Variants in HAT1 observed in about 807,000 individuals in gnomAD.
HAT1 encodes the protein histone acetyltransferase 1.
A neutral mutation model predicts 56.6 loss-of-function variants in HAT1; 20 were observed. The observed-to-expected ratio is 0.35, with a 90% CI of 0.25 to 0.51. The LOEUF is 0.51. Among genes scored for constraint, HAT1 ranks in the 20% least tolerant of loss-of-function variants. The pLI, the probability that HAT1 is intolerant of heterozygous loss-of-function variation, is 0.95. For synonymous variants in HAT1, 146 were observed against 165.5 expected, an observed-to-expected ratio of 0.88 and a Z score of 0.91; for missense variants, 408 against 504.3, an observed-to-expected ratio of 0.81 and a Z score of 1.83.
At chr2:171,941,851 T>C (rs1164657697) in intron 2 of HAT1, among the ~76,000 whole-genome samples, 2 of 152,210 alleles carry the variant, frequency 1.3e-5, no homozygotes, top group Non-Finnish European at 2.9e-5. Flanking sequence ...TGCCATTTAG[T>C]ATTCCAGGCC....
At chr2:171,952,838 A>T (rs777779933) in intron 3 of HAT1, 43 bp from the exon 4 acceptor site, 1 of 1,457,592 alleles carries the variant, frequency 6.9e-7, no homozygotes, top group Non-Finnish European at 9.4e-7. Flanking sequence ...CTTTTTAATG[A>T]CTGCAAAAAT....
chr2:171,924,248 C>T (rs1387400595), intron 1 of HAT1: 2 of 150,784 alleles, frequency 1.3e-5, no homozygotes, highest in African/African-American at 4.9e-5. Flanking sequence ...CGCTCTGTCA[C>T]CAGGCTGGAG....
At chr2:171,966,382 C>T in intron 6 of HAT1, 27 bp from the exon 7 acceptor site, 1 of 1,174,642 alleles carries the variant, frequency 8.5e-7, no homozygotes, top group South Asian at 1.2e-5. Context: ...TGTAATTGAC[C>T]TGCTTGGCTT....
At chr2:171,940,220 T>G (rs1558966154) in intron 2 of HAT1, among the ~76,000 whole-genome samples, 1 of 152,228 alleles carries the variant, frequency 6.6e-6, no homozygotes, top group Non-Finnish European at 1.5e-5. Context: ...AGTGTGGTAT[T>G]GGTTGGCAAG....
intron 8 of HAT1, among the ~76,000 whole-genome samples, chr2:171,971,252 C>T (rs1287482078): frequency 6.6e-6 from 1 of 152,208 alleles, no homozygotes; most frequent in Admixed American, 6.5e-5. Context: ...AAGCGTTTGT[C>T]TCTAGTAGAG....
rs1292212569 is a variant in HAT1 at position 171,946,748 on chromosome 2, C to T, written c.153C>T (p.Phe51=). The T allele has an allele frequency of 6.3e-7, 1 of 1,583,990 alleles. No homozygotes were observed. The highest frequency in any genetic ancestry group is 8.6e-7 in the Non-Finnish European group (1 of 1,158,036). ...ATCTTGAAAATGACATTAGAACTTT[C>T]TTTCCTGAGTATACCCATCAACTCT... The part of the protein sequence containing the change: ...PEDLENDIRT[F]FPEYTHQLFG... Residue 51 remains phenylalanine, a synonymous_variant, in exon 3 of 11, where the codon TTC becomes TTT. Coordinates refer to ENST00000264108, the MANE Select transcript of HAT1 (RefSeq NM_003642.4).
At chr2:171,965,093 T>G in intron 4 of HAT1, 1 of 423,796 alleles carries the variant, frequency 2.4e-6, no homozygotes, top group South Asian at 3.7e-5. Flanking sequence ...ATTGCCCTTA[T>G]TATTGTACTT....
chr2:171,966,366 C>A, intron 6 of HAT1, 43 bp from the exon 7 acceptor site: 1 of 962,676 alleles, frequency 1.0e-6, no homozygotes, highest in Non-Finnish European at 1.7e-6. Flanking sequence ...TGCATGGGAG[C>A]GCGACTGTAA....
intron 3 of HAT1, among the ~76,000 whole-genome samples, chr2:171,951,343 G>A (rs1687301957): frequency 6.6e-6 from 1 of 152,094 alleles, no homozygotes; most frequent in Non-Finnish European, 1.5e-5. Flanking sequence ...AAGAGACATT[G>A]TTTTATTCTC....
At chr2:171,924,623 G>A (rs1574029196) in intron 1 of HAT1, 1 of 152,220 alleles carries the variant, frequency 6.6e-6, no homozygotes, top group Middle Eastern at 3.4e-3. Context: ...AAACTATTGT[G>A]CCAGTAGCTC....
At chr2:171,981,315 T>C (rs989436270) in intron 10 of HAT1, among the ~76,000 whole-genome samples, 6 of 152,196 alleles carry the variant, frequency 3.9e-5, no homozygotes, top group Admixed American at 1.3e-4. Context: ...ACCTATAGGG[T>C]TATACATCAC....
At chr2:171,946,821 GA>G (rs746011580) in intron 3 of HAT1, 38 bp downstream of exon 3, 94 of 912,430 alleles carry the variant, frequency 1.0e-4, no homozygotes, top group Middle Eastern at 2.7e-4. Flanking sequence ...AATTAGTATG[GA>G]AAAAAAAATT....
At chr2:171,941,091 C>G (rs1384385221) in intron 2 of HAT1, among the ~76,000 whole-genome samples, 1 of 152,164 alleles carries the variant, frequency 6.6e-6, no homozygotes. Flanking sequence ...AAGCCTGCCA[C>G]TAGATGTAGC....
intron 3 of HAT1, among the ~76,000 whole-genome samples, chr2:171,947,061 T>A (rs149967915): frequency 9.5e-4 from 145 of 152,266 alleles, no homozygotes; most frequent in Non-Finnish European, 1.2e-3. Context: ...TAATTGTTCA[T>A]GAACATACAA....
rs1252145851 is a variant in HAT1 at position 171,983,306 on chromosome 2, T to G, written c.1214T>G (p.Leu405Arg). 6.2e-7 allele frequency: 1 copy of G among 1,608,932 alleles called. No homozygotes were observed. Among genetic ancestry groups the G allele is most frequent in the Admixed American group, 1.7e-5 (1 of 59,404 alleles). ...CAGCTGGAAGAGAGTTTTCAGGAAC[T>G]AGTGGAAGATTACCGGCGTGTTATT... ...HEQLEESFQE[L>R]VEDYRRVIER... Residue 405 changes from leucine (L) to arginine (R), a missense_variant, in exon 11 of 11, where the codon CTA (leucine) becomes CGA (arginine). Physicochemically the swap from Leu to Arg is moderately radical, Grantham distance 102 (BLOSUM62 -2). Transcript: ENST00000264108.
At chr2:171,976,091 C>T in intron 8 of HAT1, 66 bp from the exon 9 acceptor site, 1 of 1,072,446 alleles carries the variant, frequency 9.3e-7, no homozygotes, top group Non-Finnish European at 1.3e-6. Flanking sequence ...GTTGAGATTG[C>T]AAAAGATGAA....
Position 171,922,484 on chromosome 2 carries a change from G to A in HAT1, c.-17G>A, listed in dbSNP as rs751746541. On this transcript the variant is annotated 5_prime_UTR_variant, in exon 1 of 11. In the 5' UTR this introduces an upstream ATG that the reference lacks. Transcript: ENST00000264108. ...TTGATTCGTCCTTCCTCAGCCGCGG[G>A]TGATCGTAGCTCGGAAATGGCGGGT... The A allele has an allele frequency of 5.3e-6, 7 of 1,319,376 alleles. No homozygotes were observed. Among genetic ancestry groups the A allele is most frequent in the Non-Finnish European group, 6.8e-6 (7 of 1,024,672 alleles). 81.7% of individuals were successfully genotyped at this position (1,319,376 alleles called of 1,614,324 possible).
chr2:171,981,287 T>G (rs1688128466), intron 10 of HAT1, among the ~76,000 whole-genome samples: 2 of 152,196 alleles, frequency 1.3e-5, no homozygotes. Flanking sequence ...ATGTTGTTGC[T>G]GCATTTATAT....
At chr2:171,928,931 T>C (rs1686668029) in intron 2 of HAT1, among the ~76,000 whole-genome samples, 1 of 152,242 alleles carries the variant, frequency 6.6e-6, no homozygotes, top group South Asian at 2.1e-4. Flanking sequence ...TGTGGACATA[T>C]GATTTTATTT....
Sources: gnomAD v4.1 joint callset for allele counts (sites outside exome capture counted in the v4.1 genomes callset) on GRCh38, gnomAD v4.1.1 for gene constraint, MANE v1.5 for transcripts, NCBI Gene and HGNC (gene_info 2026-07-23, HGNC 2026-07-21) for gene names.